FABP12: variants seen among roughly 807,000 people sequenced by gnomAD.
FABP12 encodes fatty acid-binding protein 12.
In FABP12, 19 loss-of-function variants were observed where a neutral mutation model predicts 13.7. The ratio of observed to expected loss-of-function variants is 1.39; its 90% CI spans 0.97 to 2.04. The LOEUF (loss-of-function observed/expected upper bound fraction) is 2.04. Among genes scored for constraint, FABP12 ranks in the 30% most tolerant of loss-of-function variants. The pLI is 0.00. For synonymous variants in FABP12, 61 were observed against 57.0 expected, an observed-to-expected ratio of 1.07 and a Z score of -0.32; for missense variants, 182 against 164.2, an observed-to-expected ratio of 1.11 and a Z score of -0.59.
At chr8:81,575,835 A>C (rs1428726450) in intron 1 of FABP12, among the ~76,000 whole-genome samples, 13 of 152,116 alleles carry the variant, frequency 8.5e-5, no homozygotes, top group Non-Finnish European at 5.9e-5. Context: ...CCTGAACCCT[A>C]CTGTGAACTG....
chr8:81,580,758 T>C (rs968928844), intron 1 of FABP12, among the ~76,000 whole-genome samples: 3 of 151,790 alleles, frequency 2.0e-5, no homozygotes, highest in African/African-American at 7.3e-5. Context: ...GTCTAGCTTA[T>C]GCCCACCCAC....
At chr8:81,568,690 C>T (rs1322388882) in intron 1 of FABP12, among the ~76,000 whole-genome samples, 1 of 152,186 alleles carries the variant, frequency 6.6e-6, no homozygotes, top group Admixed American at 6.5e-5. Flanking sequence ...ATGTTTATTG[C>T]AGCACTATCC....
chr8:81,572,135 G>A (rs1165502957), intron 1 of FABP12, among the ~76,000 whole-genome samples: 1 of 148,010 alleles, frequency 6.8e-6, no homozygotes, highest in African/African-American at 2.5e-5. Flanking sequence ...AGTCCCCAAA[G>A]TCCATTGTAT....
At chr8:81,542,311 G>A (rs1173910456) in intron 1 of FABP12, among the ~76,000 whole-genome samples, 18 of 152,104 alleles carry the variant, frequency 1.2e-4, no homozygotes, top group Non-Finnish European at 2.1e-4. Context: ...CTGTCATAAG[G>A]GAGCCTGGGG....
At chr8:81,526,285 G>C (rs1205445688) in intron 4 of FABP12, 1 of 152,116 alleles carries the variant, frequency 6.6e-6, no homozygotes, top group Non-Finnish European at 1.5e-5. Context: ...TGGGGGTTTG[G>C]GAGAAGGAAA....
intron 1 of FABP12, among the ~76,000 whole-genome samples, chr8:81,542,630 C>A (rs1379288927): frequency 1.3e-5 from 2 of 152,154 alleles, no homozygotes; most frequent in Non-Finnish European, 2.9e-5. Context: ...CATGGATAAC[C>A]AATATGCAAC....
intron 1 of FABP12, among the ~76,000 whole-genome samples, chr8:81,574,806 T>C (rs1427359532): frequency 6.6e-6 from 1 of 152,128 alleles, no homozygotes; most frequent in African/African-American, 2.4e-5. Context: ...CCTACTGTTT[T>C]GTTTCTTAGT....
chr8:81,567,986 G>A (rs1029991386), intron 1 of FABP12, among the ~76,000 whole-genome samples: 2 of 152,122 alleles, frequency 1.3e-5, no homozygotes, highest in Non-Finnish European at 2.9e-5. Context: ...AGCCGGGCGC[G>A]GTGGCGGGCT....
chr8:81,531,461 T>A (rs1809073320), intron 1 of FABP12, 71 bp from the exon 2 acceptor site: 1 of 586,596 alleles, frequency 1.7e-6, no homozygotes. Context: ...GGAACTCTAA[T>A]CCTTGCAATG....
chr8:81,529,459 C>T lies in FABP12; in HGVS notation c.225G>A (p.Thr75=), dbSNP rs16909315. 9.3e-3 allele frequency: 14,952 copies of T among 1,613,758 alleles called. 404 individuals are homozygous for T. In the African/African-American group the frequency reaches 0.094, roughly 10 times the overall value. Residue 75 remains threonine, a synonymous_variant, in exon 3 of 5, where the codon ACG becomes ACA. Coordinates refer to ENST00000360464, the Ensembl canonical transcript of FABP12. ...TCACCTTTGTTTTGTGGCCACCTGG[C>T]GTGATTTCCTCAAACTCTTCTCCCA...
intron 1 of FABP12, among the ~76,000 whole-genome samples, chr8:81,553,619 T>C (rs1466922611): frequency 6.6e-6 from 1 of 152,190 alleles, no homozygotes; most frequent in Non-Finnish European, 1.5e-5. Context: ...TCAAGATTAT[T>C]TGGCGGCAGA....
rs577830195 is a variant in FABP12, at chr8:81,552,691, T to G, written c.-184-12948A>C. ...ATTCCACAGAGGAAAGTAGCTTTTT[T>G]GGGTCTATTTTTTTCACTGATAAAT... On this transcript the variant is annotated intron_variant, in intron 1 of 5. Coordinates refer to the FABP12 transcript ENST00000692030. Among the ~76,000 whole-genome samples, 10 of 152,304 alleles carry G rather than the reference T, an allele frequency of 6.6e-5. No individual in the cohort carries two copies. In the South Asian group the frequency reaches 1.7e-3, roughly 25 times the overall value.
chr8:81,549,786 T>A (rs1426421305), intron 1 of FABP12, among the ~76,000 whole-genome samples: 1 of 152,210 alleles, frequency 6.6e-6, no homozygotes, highest in Non-Finnish European at 1.5e-5. Context: ...AAGTCCCTAG[T>A]GTTTAAACAA....
intron 2 of FABP12, among the ~76,000 whole-genome samples, chr8:81,530,578 C>A (rs983369639): frequency 6.6e-6 from 1 of 152,124 alleles, no homozygotes; most frequent in African/African-American, 2.4e-5. Flanking sequence ...GAATTCATAT[C>A]ATAAAACACA....
chr8:81,558,229 C>T (rs56373021), intron 1 of FABP12, among the ~76,000 whole-genome samples: 432 of 152,286 alleles, frequency 2.8e-3, no homozygotes, highest in Non-Finnish European at 4.0e-3. Context: ...CACATTCCTC[C>T]CAGTCCTCCT....
At chr8:81,545,755 T>G (rs563578787) in intron 1 of FABP12, among the ~76,000 whole-genome samples, 1 of 152,190 alleles carries the variant, frequency 6.6e-6, no homozygotes, top group Non-Finnish European at 1.5e-5. Context: ...TTTTAAAAGT[T>G]TTTTGGACTT....
chr8:81,562,327 G>T (rs547470556), intron 1 of FABP12, among the ~76,000 whole-genome samples: 154 of 152,326 alleles, frequency 1.0e-3, no homozygotes, highest in African/African-American at 3.7e-3. Flanking sequence ...GGCTTCAGGG[G>T]TGACCCAGTC....
intron 1 of FABP12, among the ~76,000 whole-genome samples, chr8:81,586,282 T>G (rs1810236577): frequency 6.6e-6 from 1 of 152,216 alleles, no homozygotes. Flanking sequence ...TTTGTTATTA[T>G]CAAGAGTGCT....
At chr8:81,580,004 A>G (rs1810130145) in intron 1 of FABP12, among the ~76,000 whole-genome samples, 1 of 152,198 alleles carries the variant, frequency 6.6e-6, no homozygotes, top group African/African-American at 2.4e-5. Context: ...TAAAATTTGT[A>G]AAAAACAATG....
Sources: allele counts gnomAD v4.1 joint callset (sites outside exome capture counted in the v4.1 genomes callset), GRCh38; gene constraint gnomAD v4.1.1; transcripts MANE v1.5; gene names NCBI Gene and HGNC (gene_info 2026-07-23, HGNC 2026-07-21).